Variants in NSD1 observed in about 807,000 individuals in gnomAD.
The protein encoded by NSD1 is histone-lysine N-methyltransferase, H3 lysine-36 specific.
NSD1 carries 26 observed loss-of-function variants against 242.7 expected under a neutral mutation model. The ratio of observed to expected loss-of-function variants is 0.11; its 90% confidence interval spans 0.08 to 0.15. The LOEUF is 0.15. Among genes scored for constraint, NSD1 ranks in the 10% least tolerant of loss-of-function variants. NSD1 has a pLI of 1.00. For missense variants in NSD1, 2,495 were observed against 3,272.8 expected, an observed-to-expected ratio of 0.76 and a Z score of 5.80; for synonymous variants, 1,106 against 1,178.1, an observed-to-expected ratio of 0.94 and a Z score of 1.25.
chr5:177,299,358 C>T lies in NSD1; in HGVS notation c.*3899C>T. ...ATCCTCAGTGAAGCCTGCACCCAAC[C>T]CTGGAGTGGCCCAGTGCAATCCAGA... On this transcript the variant is annotated 3_prime_UTR_variant, in exon 23 of 23. Coordinates refer to ENST00000439151, the MANE Select transcript of NSD1 (RefSeq NM_022455.5). 1 of 233,194 alleles carries T rather than the reference C, an allele frequency of 4.3e-6. No homozygotes were observed. Among genetic ancestry groups the T allele is most frequent in the Non-Finnish European group, 8.5e-6 (1 of 118,028 alleles). 14.4% of individuals were successfully genotyped at this position (233,194 alleles called of 1,614,324 possible). A position where few individuals can be genotyped will look rare whatever the true frequency, so the allele number is the denominator to read the frequency against.
At chr5:177,186,050 T>A in intron 2 of NSD1, among the ~76,000 whole-genome samples, 1 of 105,000 alleles carries the variant, frequency 9.5e-6, no homozygotes, top group African/African-American at 4.0e-5. Context: ...ATATAATATA[T>A]AATATAACAT....
chr5:177,134,114 C>T lies in NSD1; in HGVS notation c.-18+162C>T, dbSNP rs1460584854. On this transcript the variant is annotated intron_variant, in intron 1 of 22. Coordinates refer to ENST00000439151, the MANE Select transcript of NSD1 (RefSeq NM_022455.5). This position sits in a 1 kb window ranked among gnomAD's most constrained non-coding sequence, Gnocchi z 4.2. ...CGGCGGCGCTGCAGCCGCCGGCCTC[C>T]TCCCCCTCCCCCTCCTCCATCACTA... is the stretch of plus-strand genomic sequence containing the variant. The T allele has an allele frequency of 6.6e-6, 1 of 150,958 alleles. No homozygotes were observed. The highest frequency in any genetic ancestry group is 1.5e-5 in the Non-Finnish European group (1 of 67,508). The allele number at this position is 150,958 out of a possible 1,614,324, so 9.4% of individuals were successfully genotyped here.
At chr5:177,231,603 TAGA>T (rs1765061975) in intron 5 of NSD1, among the ~76,000 whole-genome samples, 3 of 152,122 alleles carry the variant, frequency 2.0e-5, no homozygotes, top group African/African-American at 4.8e-5. Context: ...TTATTTTTAG[TAGA>T]GACGGGGTTT....
At chr5:177,144,258 G>A (rs1272316692) in intron 2 of NSD1, among the ~76,000 whole-genome samples, 1 of 149,632 alleles carries the variant, frequency 6.7e-6, no homozygotes, top group Non-Finnish European at 1.5e-5. Context: ...GTCTTGTACT[G>A]TTTCCCAGGC....
chr5:177,184,801 C>G (rs1345317442), intron 2 of NSD1, among the ~76,000 whole-genome samples: 2 of 152,116 alleles, frequency 1.3e-5, no homozygotes, highest in African/African-American at 4.8e-5. Flanking sequence ...TCCCAAAGTG[C>G]TAGGATTGTG....
Position 177,135,796 on chromosome 5 carries a change from T to A in NSD1, c.693T>A (p.Pro231=), listed in dbSNP as rs773863599. Residue 231 remains proline, a synonymous_variant, in exon 2 of 23, where the codon CCT becomes CCA. Transcript: ENST00000439151. ...AATCGCCATTCTTGCCATTAGCTCCTCAGACTGAAACACAGAAAAATAAGC... is the reference window on the plus strand; with the variant it reads ...AATCGCCATTCTTGCCATTAGCTCCACAGACTGAAACACAGAAAAATAAGC... ...AVKSPFLPLA[P]QTETQKNKQR... 11 of 1,611,652 alleles carry A rather than the reference T, an allele frequency of 6.8e-6. No individual in the cohort carries two copies. In the African/African-American group the frequency reaches 1.5e-4, roughly 22 times the overall value.
At chr5:177,252,755 A>G (rs1156775129) in intron 12 of NSD1, among the ~76,000 whole-genome samples, 2 of 142,432 alleles carry the variant, frequency 1.4e-5, no homozygotes, top group Admixed American at 1.4e-4. Context: ...GGGTCTTACT[A>G]TGTTGCCCAG....
chr5:177,213,347 T>C (rs1763509898), intron 5 of NSD1, among the ~76,000 whole-genome samples: 1 of 152,272 alleles, frequency 6.6e-6, no homozygotes, highest in Non-Finnish European at 1.5e-5. Context: ...TTTAACGTTT[T>C]TAATTGAGTG....
upstream of NSD1, among the ~76,000 whole-genome samples, chr5:177,132,410 G>T (rs903619974): frequency 6.6e-6 from 1 of 151,510 alleles, no homozygotes; most frequent in African/African-American, 2.4e-5. The surrounding 1 kb of genome is among the most constrained non-coding windows in gnomAD (Gnocchi z 7.5). Flanking sequence ...GCCGGCCGGC[G>T]CCCGCTGCCC....
intron 2 of NSD1, among the ~76,000 whole-genome samples, chr5:177,149,179 G>A (rs1757494782): frequency 6.6e-6 from 1 of 151,708 alleles, no homozygotes; most frequent in African/African-American, 2.4e-5. Context: ...TTTAATTTTA[G>A]CCATTCGTGT....
intron 2 of NSD1, among the ~76,000 whole-genome samples, chr5:177,158,983 T>G (rs1179670386): frequency 7.7e-6 from 1 of 129,660 alleles, no homozygotes; most frequent in African/African-American, 3.5e-5. Flanking sequence ...TATACACACA[T>G]ATATATGAAT....
At chr5:177,133,663 G>T (rs1756024676), upstream of NSD1, 1 of 149,394 alleles carries the variant, frequency 6.7e-6, no homozygotes, top group Non-Finnish European at 1.5e-5. The surrounding 1 kb of genome is among the most constrained non-coding windows in gnomAD (Gnocchi z 6.2). Flanking sequence ...CGCGCTCGGT[G>T]GGGGAAGGGG....
At chr5:177,154,896 A>G (rs561545616) in intron 2 of NSD1, among the ~76,000 whole-genome samples, 16 of 151,686 alleles carry the variant, frequency 1.1e-4, no homozygotes, top group African/African-American at 3.6e-4. Flanking sequence ...GGGTTTCACC[A>G]TGTTGGCCAG....
chr5:177,278,454 A>G (rs1407934166), intron 17 of NSD1, among the ~76,000 whole-genome samples: 2 of 152,228 alleles, frequency 1.3e-5, no homozygotes, highest in Non-Finnish European at 2.9e-5. Flanking sequence ...ATGGCAGCAT[A>G]TATCCAGATT....
intron 8 of NSD1, 65 bp from the exon 9 acceptor site, chr5:177,244,130 C>A: frequency 6.1e-6 from 7 of 1,150,844 alleles, no homozygotes; most frequent in Non-Finnish European, 9.1e-6. Context: ...CAGACTTTGG[C>A]ATATAAAGTA....
rs779427675 is a variant in NSD1, at chr5:177,210,639, C to A, written c.2240C>A (p.Thr747Lys). 2.5e-6 allele frequency: 4 copies of A among 1,614,124 alleles called. No homozygotes were observed. The Admixed American group carries it at 5.0e-5, about 20-fold the overall frequency. Residue 747 changes from threonine (T) to lysine (K), a missense_variant, in exon 5 of 23, where the codon ACA becomes AAA. By Grantham distance (78) the Thr-to-Lys change is moderately conservative. This residue lies in a region of NSD1 where 515 missense variants were observed against 467.0 expected (regional missense o/e 1.10). Coordinates refer to ENST00000439151, the MANE Select transcript of NSD1 (RefSeq NM_022455.5). ...GTTCACAAACCCCAGTCAGATTTTA[C>A]AAATGATGCTCTCTCTCCAAAATTC... ...TLVHKPQSDF[T>K]NDALSPKFNL...
intron 12 of NSD1, among the ~76,000 whole-genome samples, chr5:177,255,965 C>G (rs1027473398): frequency 1.3e-5 from 2 of 152,138 alleles, no homozygotes; most frequent in African/African-American, 4.8e-5. Flanking sequence ...CAGTAGTTAT[C>G]AACTTCTCTC....
upstream of NSD1, among the ~76,000 whole-genome samples, chr5:177,131,894 G>C (rs887015427): frequency 2.0e-5 from 3 of 152,228 alleles, no homozygotes; most frequent in Admixed American, 1.3e-4. Flanking sequence ...TCTGAACAGC[G>C]AGAAGGCGCT....
chr5:177,244,110 G>C, intron 8 of NSD1, 85 bp from the exon 9 acceptor site: 1 of 965,186 alleles, frequency 1.0e-6, no homozygotes, highest in East Asian at 2.5e-5. Context: ...ATCCATGGCA[G>C]CTGACAATTC....
Sources: gnomAD v4.1 joint callset for allele counts (sites outside exome capture counted in the v4.1 genomes callset) on GRCh38, gnomAD v4.1.1 for gene constraint, gnomAD v4.1.1 regional missense constraint, Gnocchi (gnomAD v3.1) non-coding constraint, MANE v1.5 for transcripts, NCBI Gene and HGNC (gene_info 2026-07-23, HGNC 2026-07-21) for gene names.